The following PREX1 variants were observed in gnomAD, a reference collection of about 807,000 sequenced individuals.
PREX1 encodes the protein phosphatidylinositol 3,4,5-trisphosphate-dependent Rac exchanger 1 protein.
Under a neutral mutation model 198.3 loss-of-function variants are expected in PREX1, and 41 were observed. The observed-to-expected ratio is 0.21, with a 90% CI of 0.16 to 0.27. The LOEUF (loss-of-function observed/expected upper bound fraction) is 0.27, where lower values mean the gene tolerates loss of function less well. Ranked by LOEUF, PREX1 falls within the 10% of genes least tolerant of loss-of-function variation. The pLI is 1.00. For synonymous variants in PREX1, 843 were observed against 887.2 expected (o/e 0.95, Z 0.89); for missense variants, 1,620 against 2,200.7 (o/e 0.74, Z 5.28).
intron 7 of PREX1, among the ~76,000 whole-genome samples, chr20:48,694,876 C>T (rs6063308): frequency 0.29 from 43,293 of 151,798 alleles, 6,324 homozygotes; most frequent in Middle Eastern, 0.41. Context: ...CTGTGTCTGC[C>T]GGTGGAGAAG....
chr20:48,771,826 G>C (rs191960780), intron 1 of PREX1, among the ~76,000 whole-genome samples: 1 of 152,196 alleles, frequency 6.6e-6, no homozygotes, highest in East Asian at 1.9e-4. Context: ...GTGATGCCAC[G>C]CACTAGCATA....
chr20:48,832,713 C>G (rs1177793002), upstream of PREX1, among the ~76,000 whole-genome samples: 45 of 152,162 alleles, frequency 3.0e-4, no homozygotes, highest in Admixed American at 2.9e-3. Context: ...GTTGAGCTAC[C>G]CCCAGCTGCC....
At chr20:48,749,626 C>A (rs1347806886) in intron 1 of PREX1, among the ~76,000 whole-genome samples, 1 of 152,212 alleles carries the variant, frequency 6.6e-6, no homozygotes, top group Non-Finnish European at 1.5e-5. Context: ...AGCCCGGCCA[C>A]CTGCCCAGAC....
Position 48,629,531 on chromosome 20 carries a change from C to T in PREX1, c.4684G>A (p.Ala1562Thr), listed in dbSNP as rs138841096. Residue 1562 changes from alanine (A) to threonine (T), a missense_variant, in exon 37 of 40, where the codon GCC becomes ACC. Transcript: ENST00000371941. Reference protein sequence around the residue: ...PKPGAAGSVGAGLIPISSELC... With the variant: ...PKPGAAGSVGTGLIPISSELC... ...TCCGAGGAGATGGGGATGAGGCCGGCGCCCACACTCCCAGCAGCACCAGGC... is the reference window on the plus strand; with the variant it reads ...TCCGAGGAGATGGGGATGAGGCCGGTGCCCACACTCCCAGCAGCACCAGGC... 2,249 of 1,614,100 alleles carry T rather than the reference C, an allele frequency of 1.4e-3. 6 individuals are homozygous for T. The highest frequency in any genetic ancestry group is 1.6e-3 in the Non-Finnish European group (1,881 of 1,179,964).
chr20:48,776,836 C>T (rs2090264618), intron 1 of PREX1, among the ~76,000 whole-genome samples: 1 of 152,170 alleles, frequency 6.6e-6, no homozygotes. Flanking sequence ...CGTATTTCTC[C>T]TAAGAGTCAG....
At chr20:48,793,112 G>T (rs1282201165) in intron 1 of PREX1, among the ~76,000 whole-genome samples, 1 of 152,126 alleles carries the variant, frequency 6.6e-6, no homozygotes, top group Non-Finnish European at 1.5e-5. Flanking sequence ...GGCTGAGGGG[G>T]GAGAATTGCT....
chr20:48,861,256 GAA>G, the PREX1 span, among the ~76,000 whole-genome samples: 2 of 152,124 alleles, frequency 1.3e-5, no homozygotes, highest in African/African-American at 2.4e-5. Flanking sequence ...TGACTTTGGG[GAA>G]CCTTAAACAA....
intron 5 of PREX1, among the ~76,000 whole-genome samples, chr20:48,720,627 CT>C (rs2089980933): frequency 1.3e-5 from 2 of 152,182 alleles, no homozygotes; most frequent in East Asian, 3.9e-4. Context: ...TACATAAAGT[CT>C]GCTCTGGTGC....
chr20:48,638,660 C>A (rs1028908497), intron 30 of PREX1, among the ~76,000 whole-genome samples: 1 of 151,716 alleles, frequency 6.6e-6, no homozygotes, highest in South Asian at 2.1e-4. Flanking sequence ...GGACTCACCA[C>A]GCCAGGCAGC....
the PREX1 span, among the ~76,000 whole-genome samples, chr20:48,868,504 T>G: frequency 1.3e-5 from 2 of 152,120 alleles, no homozygotes; most frequent in Admixed American, 1.3e-4. Context: ...TTTGTGTGTA[T>G]TTTTAGTAGA....
the PREX1 span, among the ~76,000 whole-genome samples, chr20:48,855,817 G>T: frequency 6.6e-6 from 1 of 152,200 alleles, no homozygotes; most frequent in Admixed American, 6.5e-5. Flanking sequence ...AGAATCACTT[G>T]AACCCAGGAG....
chr20:48,855,001 A>C, the PREX1 span, among the ~76,000 whole-genome samples: 3 of 152,120 alleles, frequency 2.0e-5, no homozygotes, highest in Non-Finnish European at 4.4e-5. Flanking sequence ...TCACAACCAT[A>C]TCCACCTCTC....
At chr20:48,730,443 A>G (rs1229114522) in intron 4 of PREX1, among the ~76,000 whole-genome samples, 3 of 151,404 alleles carry the variant, frequency 2.0e-5, no homozygotes, top group African/African-American at 2.4e-5. Flanking sequence ...ACACACACAC[A>G]CACACGCACA....
chr20:48,708,757 G>A lies in PREX1; in HGVS notation c.622-336C>T, dbSNP rs116946636. Among the ~76,000 whole-genome samples, 188 of 152,214 alleles carry A rather than the reference G, an allele frequency of 1.2e-3. 2 individuals carry two copies. In the South Asian group the frequency reaches 0.016, roughly 13 times the overall value. On this transcript the variant is annotated intron_variant, in intron 5 of 39. Coordinates refer to ENST00000371941, the MANE Select transcript of PREX1 (RefSeq NM_020820.4). ...CAAAAACCCGAGGGGAGAGCCTGCC[G>A]GGCAGGGGGCACCGTGGTGCGAAGG...
the PREX1 span, among the ~76,000 whole-genome samples, chr20:48,835,132 C>A: frequency 6.6e-4 from 100 of 152,330 alleles, 2 homozygotes; most frequent in South Asian, 0.015. Context: ...CTCTGTGATT[C>A]TTTGCCAAGC....
chr20:48,738,347 C>T (rs2090066073), intron 3 of PREX1, among the ~76,000 whole-genome samples: 1 of 152,220 alleles, frequency 6.6e-6, no homozygotes, highest in Non-Finnish European at 1.5e-5. Flanking sequence ...ACGACAAGGT[C>T]TGCAATGTTT....
the PREX1 span, among the ~76,000 whole-genome samples, chr20:48,862,883 G>A: frequency 2.0e-5 from 3 of 149,486 alleles, no homozygotes; most frequent in East Asian, 5.9e-4. Context: ...GCACAGTGGT[G>A]CAATCACAGC....
Position 48,787,454 on chromosome 20 carries a change from C to T in PREX1, c.220-39574G>A, listed in dbSNP as rs1201221933. On this transcript the variant is annotated intron_variant, in intron 1 of 39. Transcript: ENST00000371941. ...AGTGTTTGAAGGAACAGCGAATGCC[C>T]GCTGGCAGCAAACAGCCCCCGGCCA... Among the ~76,000 whole-genome samples the T allele has an allele frequency of 2.6e-5, 4 of 151,854 alleles. No individual in the cohort carries two copies. The East Asian group carries it at 5.8e-4, about 22-fold the overall frequency.
the PREX1 span, among the ~76,000 whole-genome samples, chr20:48,870,293 C>T: frequency 6.6e-6 from 1 of 152,098 alleles, no homozygotes; most frequent in Non-Finnish European, 1.5e-5. Flanking sequence ...ATGTGCGATA[C>T]AAACAAACAT....
Sources: allele counts gnomAD v4.1 joint callset (sites outside exome capture counted in the v4.1 genomes callset), GRCh38; gene constraint gnomAD v4.1.1; transcripts MANE v1.5; gene names NCBI Gene and HGNC (gene_info 2026-07-23, HGNC 2026-07-21).